The following TRIM37 variants were observed in gnomAD, a reference collection of about 807,000 sequenced individuals.
TRIM37 encodes tripartite motif containing 37, also known as E3 ubiquitin-protein ligase TRIM37.
TRIM37 carries 80 observed loss-of-function variants against 129.8 expected under a neutral mutation model. The observed-to-expected ratio is 0.62, with a 90% CI of 0.51 to 0.74. The LOEUF (loss-of-function observed/expected upper bound fraction) is 0.74. Among genes scored for constraint, TRIM37 ranks in the 30% least tolerant of loss-of-function variants. The probability of loss-of-function intolerance (pLI) is 0.00; values close to 1 mark genes in which losing one functional copy is unlikely to be tolerated. For synonymous variants in TRIM37, 389 were observed against 387.1 expected (o/e 1.00, Z -0.06); for missense variants, 1,054 against 1,176.5 (o/e 0.90, Z 1.52).
At chr17:58,982,604 T>C (rs2031423775), downstream of TRIM37, 1 of 346,694 alleles carries the variant, frequency 2.9e-6, no homozygotes, top group Non-Finnish European at 5.3e-6. Flanking sequence ...TGGATACCAG[T>C]ATAGCTATAT....
At chr17:59,066,879 C>T (rs1446553390) in intron 9 of TRIM37, among the ~76,000 whole-genome samples, 1 of 152,112 alleles carries the variant, frequency 6.6e-6, no homozygotes, top group Non-Finnish European at 1.5e-5. Flanking sequence ...ATGCTTAATG[C>T]TAGCACTTAA....
At chr17:58,971,910 G>A in the TRIM37 span, among the ~76,000 whole-genome samples, 9 of 152,036 alleles carry the variant, frequency 5.9e-5, no homozygotes, top group South Asian at 2.1e-4. Context: ...AATCATCCTC[G>A]CCCTGCATAT....
At chr17:59,106,347 C>T (rs2045991723) in intron 1 of TRIM37, 94 bp downstream of exon 1, 2 of 1,494,736 alleles carry the variant, frequency 1.3e-6, no homozygotes, top group East Asian at 2.4e-5. Context: ...GTAGGGGTGC[C>T]CTACTGGAGG....
intron 19 of TRIM37, among the ~76,000 whole-genome samples, chr17:59,025,444 T>C (rs951570882): frequency 6.6e-6 from 1 of 151,618 alleles, no homozygotes; most frequent in African/African-American, 2.4e-5. Context: ...TTAATATTCA[T>C]GGATGAATAT....
At chr17:59,039,220 G>T (rs779768359) in intron 17 of TRIM37, among the ~76,000 whole-genome samples, 9 of 152,164 alleles carry the variant, frequency 5.9e-5, no homozygotes, top group Non-Finnish European at 1.0e-4. Flanking sequence ...CCTATAGCCT[G>T]CTGAATCGAT....
intron 22 of TRIM37, among the ~76,000 whole-genome samples, chr17:59,002,000 A>G (rs1312459895): frequency 6.6e-6 from 1 of 152,154 alleles, no homozygotes; most frequent in Non-Finnish European, 1.5e-5. Flanking sequence ...TATTATACTG[A>G]TAATACTTTT....
intron 17 of TRIM37, among the ~76,000 whole-genome samples, chr17:59,041,580 G>T (rs1327032876): frequency 6.6e-6 from 1 of 152,064 alleles, no homozygotes; most frequent in Non-Finnish European, 1.5e-5. Flanking sequence ...TTAATATAAG[G>T]TACTTAAAGT....
intron 23 of TRIM37, among the ~76,000 whole-genome samples, chr17:58,999,712 G>A (rs1312529381): frequency 2.0e-5 from 3 of 152,162 alleles, no homozygotes; most frequent in African/African-American, 7.2e-5. Flanking sequence ...GACAGGAATT[G>A]TCTCATTTTG....
intron 13 of TRIM37, among the ~76,000 whole-genome samples, chr17:59,055,045 T>C (rs144854254): frequency 6.6e-6 from 1 of 152,050 alleles, no homozygotes; most frequent in African/African-American, 2.4e-5. Context: ...CAATAAAAAT[T>C]GATGGTTTTG....
intron 17 of TRIM37, among the ~76,000 whole-genome samples, chr17:59,040,813 G>A (rs1283600158): frequency 4.6e-5 from 7 of 152,124 alleles, no homozygotes; most frequent in South Asian, 4.2e-4. Flanking sequence ...TTGGGAGGCC[G>A]AGGCGGGTGG....
At chr17:59,085,312 G>A (rs888813100) in intron 4 of TRIM37, among the ~76,000 whole-genome samples, 1 of 151,808 alleles carries the variant, frequency 6.6e-6, no homozygotes, top group Non-Finnish European at 1.5e-5. Context: ...GTGCAACAGA[G>A]CAAGACTCTG....
downstream of TRIM37, among the ~76,000 whole-genome samples, chr17:58,995,496 G>A (rs2032900770): frequency 6.6e-6 from 1 of 151,240 alleles, no homozygotes; most frequent in Non-Finnish European, 1.5e-5. Flanking sequence ...AACAAGCCAA[G>A]CTACAAAATA....
exon 25 of TRIM37, chr17:58,982,656 G>GTT: frequency 2.1e-6 from 1 of 479,058 alleles, no homozygotes; most frequent in Non-Finnish European, 3.7e-6. Context: ...TGATCAGATT[G>GTT]TTAATCTACA....
chr17:59,090,550 TTTTTA>T (rs985463721), intron 3 of TRIM37, among the ~76,000 whole-genome samples: 3 of 152,108 alleles, frequency 2.0e-5, no homozygotes, highest in African/African-American at 7.2e-5. Context: ...ATCAGAAGGC[TTTTTA>T]TTTTATTTTA....
chr17:59,039,129 G>A (rs543150125), intron 17 of TRIM37, among the ~76,000 whole-genome samples: 1 of 152,234 alleles, frequency 6.6e-6, no homozygotes, highest in African/African-American at 2.4e-5. Flanking sequence ...CCACTCCAAA[G>A]TAAACATGAA....
chr17:58,969,604 T>C, the TRIM37 span: 1 of 1,614,186 alleles, frequency 6.2e-7, no homozygotes, highest in Non-Finnish European at 8.5e-7. Flanking sequence ...CTGCTATTTA[T>C]GCCTCCATTC....
intron 24 of TRIM37, chr17:58,985,062 T>C (rs796715690): frequency 6.5e-6 from 1 of 152,686 alleles, no homozygotes; most frequent in Non-Finnish European, 1.5e-5. Flanking sequence ...CATCTCACTT[T>C]TGAGTTCAGT....
At chr17:58,989,110 T>A (rs1249223801) in intron 24 of TRIM37, among the ~76,000 whole-genome samples, 1 of 152,198 alleles carries the variant, frequency 6.6e-6, no homozygotes, top group Admixed American at 6.5e-5. Flanking sequence ...GAAAACATTC[T>A]GAAGATATGA....
At chr17:59,080,285 A>T (rs1239769676) in intron 6 of TRIM37, among the ~76,000 whole-genome samples, 1 of 152,238 alleles carries the variant, frequency 6.6e-6, no homozygotes, top group Non-Finnish European at 1.5e-5. Flanking sequence ...TTTTTCACAG[A>T]AATAACATTA....
Sources: allele counts gnomAD v4.1 joint callset (sites outside exome capture counted in the v4.1 genomes callset), GRCh38; gene constraint gnomAD v4.1.1; transcripts MANE v1.5; gene names NCBI Gene and HGNC (gene_info 2026-07-23, HGNC 2026-07-21).